NSUN6: variants seen among roughly 807,000 people sequenced by gnomAD.
The protein encoded by NSUN6 is tRNA (cytosine(72)-C(5))-methyltransferase NSUN6.
A neutral mutation model predicts 58.0 loss-of-function variants in NSUN6; 64 were observed. The ratio of observed to expected loss-of-function variants is 1.10; its 90% CI spans 0.90 to 1.36. NSUN6 has a LOEUF of 1.36. Among genes scored for constraint, NSUN6 ranks in the 40% most tolerant of loss-of-function variants. The probability of loss-of-function intolerance (pLI) is 0.00; values close to 1 mark genes in which losing one functional copy is unlikely to be tolerated. For missense variants in NSUN6, 701 were observed against 550.1 expected, an observed-to-expected ratio of 1.27 and a Z score of -2.74; for synonymous variants, 231 against 193.9, an observed-to-expected ratio of 1.19 and a Z score of -1.59.
intron 7 of NSUN6, among the ~76,000 whole-genome samples, chr10:18,591,349 T>C (rs958075188): frequency 1.3e-5 from 2 of 151,690 alleles, no homozygotes; most frequent in Admixed American, 6.6e-5. Flanking sequence ...TTCCAAACAA[T>C]AGAAAATGAT....
intron 3 of NSUN6, among the ~76,000 whole-genome samples, chr10:18,616,822 G>T (rs537645361): frequency 1.3e-4 from 20 of 152,100 alleles, no homozygotes; most frequent in African/African-American, 4.8e-4. Context: ...AACACTCAGG[G>T]TTCCAAAGAT....
At chr10:18,640,239 A>T (rs1356489663) in intron 3 of NSUN6, among the ~76,000 whole-genome samples, 2 of 152,216 alleles carry the variant, frequency 1.3e-5, no homozygotes, top group African/African-American at 4.8e-5. Flanking sequence ...GTATGCAGCT[A>T]TAAGCACAGA....
chr10:18,622,705 G>GT (rs2058655345), intron 3 of NSUN6, among the ~76,000 whole-genome samples: 1 of 152,132 alleles, frequency 6.6e-6, no homozygotes. Context: ...GCAAGACTCC[G>GT]CCTTGGGGGG....
chr10:18,596,088 A>C (rs2057574048), intron 7 of NSUN6, 120 bp downstream of exon 7: 2 of 751,810 alleles, frequency 2.7e-6, no homozygotes, highest in Admixed American at 4.7e-5. Flanking sequence ...ATAACTGAAT[A>C]GTTTTCATTT....
chr10:18,585,440 A>C (rs1036998194), intron 8 of NSUN6, among the ~76,000 whole-genome samples: 8 of 152,250 alleles, frequency 5.3e-5, no homozygotes, highest in African/African-American at 1.9e-4. Context: ...AAAATGTGGT[A>C]CATACACACG....
chr10:18,648,106 C>A (rs1182995772), intron 2 of NSUN6, among the ~76,000 whole-genome samples: 1 of 152,092 alleles, frequency 6.6e-6, no homozygotes, highest in African/African-American at 2.4e-5. Flanking sequence ...CCTCCTTACC[C>A]CTGGGCTTAT....
Position 18,651,199 on chromosome 10 carries a change from G to T in NSUN6, c.5C>A (p.Ser2Tyr), listed in dbSNP as rs776937584. 2 of 1,561,682 alleles carry T rather than the reference G, an allele frequency of 1.3e-6. No homozygotes were observed. Among genetic ancestry groups the T allele is most frequent in the African/African-American group, 1.4e-5 (1 of 71,236 alleles). The part of the protein sequence containing the change: M[S>Y]IFPKISLRPE... ...TCTCAAAGATATCTTAGGGAAAATAGACATTTTTCCTGTTGTTTAGTTCTC... is the reference window on the plus strand; with the variant it reads ...TCTCAAAGATATCTTAGGGAAAATATACATTTTTCCTGTTGTTTAGTTCTC... The change falls in exon 1 of 11, where the codon TCT (serine) becomes TAT (tyrosine). Residue 2 changes from serine (S) to tyrosine (Y), a missense_variant. Coordinates refer to ENST00000377304, the MANE Select transcript of NSUN6 (RefSeq NM_182543.5).
chr10:18,555,706 A>G (rs1295709538), intron 8 of NSUN6, among the ~76,000 whole-genome samples: 2 of 151,030 alleles, frequency 1.3e-5, no homozygotes, highest in African/African-American at 4.9e-5. Context: ...AGTGGAATGG[A>G]ATGGAGAATG....
chr10:18,588,845 C>T (rs1010188154), intron 7 of NSUN6, among the ~76,000 whole-genome samples: 1 of 152,150 alleles, frequency 6.6e-6, no homozygotes, highest in African/African-American at 2.4e-5. Context: ...ATTCCAAAAA[C>T]CAGAATGCCT....
At chr10:18,611,886 G>A (rs1287828823) in intron 5 of NSUN6, among the ~76,000 whole-genome samples, 2 of 152,102 alleles carry the variant, frequency 1.3e-5, no homozygotes, top group African/African-American at 4.8e-5. Flanking sequence ...AGTTCTAACA[G>A]CATTTAGCAT....
intron 1 of NSUN6, among the ~76,000 whole-genome samples, chr10:18,650,506 A>C (rs2059672163): frequency 1.3e-5 from 2 of 152,216 alleles, no homozygotes. Flanking sequence ...AGGTTAAGCC[A>C]CGTAATTTAC....
Position 18,609,854 on chromosome 10 carries a change from T to C in NSUN6, c.648A>G (p.Leu216=), listed in dbSNP as rs1482821364. 5 of 1,552,366 alleles carry C rather than the reference T, an allele frequency of 3.2e-6. No homozygotes were observed. Among genetic ancestry groups the C allele is most frequent in the Non-Finnish European group, 4.4e-6 (5 of 1,124,372 alleles). The change falls in exon 6 of 11, where the codon TTA becomes TTG. Residue 216 remains leucine (L), a synonymous_variant. Coordinates refer to ENST00000377304, the MANE Select transcript of NSUN6 (RefSeq NM_182543.5). ...TTTTATACATACTTACTTGTAAAAA[T>C]AAGTAACGGGGCAGTACACTGTCAA... is the stretch of plus-strand genomic sequence containing the variant. ...PSFDSVLPRY[L]FLQNLPSALV...
At chr10:18,551,197 G>C (rs1184014113) in intron 9 of NSUN6, among the ~76,000 whole-genome samples, 4 of 149,242 alleles carry the variant, frequency 2.7e-5, no homozygotes, top group Non-Finnish European at 4.4e-5. Context: ...TTAAAGGTGA[G>C]TCAACTTAAA....
In NSUN6 at chr10:18,551,985, T is replaced by A. The variant is rs745439832; in HGVS notation, c.923-14A>T. The stretch of plus-strand genomic sequence containing the variant: ...ATGGAGGTTCTCCTATAAAGAGAAT[T>A]ATAATCATGTTTACTATCTTCCATA... On this transcript the variant is annotated splice_polypyrimidine_tract_variant and intron_variant, in intron 8 of 10. Coordinates refer to ENST00000377304, the MANE Select transcript of NSUN6 (RefSeq NM_182543.5). The A allele has an allele frequency of 4.5e-6, 7 of 1,551,576 alleles. No individual in the cohort carries two copies. The highest frequency in any genetic ancestry group is 6.2e-6 in the Non-Finnish European group (7 of 1,128,880).
At chr10:18,581,444 G>C (rs2056899503) in intron 8 of NSUN6, among the ~76,000 whole-genome samples, 1 of 152,136 alleles carries the variant, frequency 6.6e-6, no homozygotes, top group Admixed American at 6.6e-5. Context: ...TGACATGGCA[G>C]CATCAGGAAA....
chr10:18,628,193 T>A (rs1267389802), intron 3 of NSUN6, among the ~76,000 whole-genome samples: 1 of 151,988 alleles, frequency 6.6e-6, no homozygotes. Flanking sequence ...CAGCTGAGGG[T>A]CCTGTCTGTT....
At chr10:18,599,035 C>A (rs890565417) in intron 6 of NSUN6, among the ~76,000 whole-genome samples, 1 of 152,008 alleles carries the variant, frequency 6.6e-6, no homozygotes, top group African/African-American at 2.4e-5. Context: ...ATTCAAATAG[C>A]AGGCTTATTT....
At chr10:18,598,983 G>A (rs2057701739) in intron 6 of NSUN6, among the ~76,000 whole-genome samples, 1 of 152,086 alleles carries the variant, frequency 6.6e-6, no homozygotes, top group African/African-American at 2.4e-5. Flanking sequence ...TGTAATAAGT[G>A]AAAAAATATA....
chr10:18,548,287 T>A, intron 9 of NSUN6, 50 bp from the exon 10 acceptor site: 1 of 1,518,444 alleles, frequency 6.6e-7, no homozygotes, highest in Non-Finnish European at 8.9e-7. Context: ...CAGATAAACA[T>A]ATGAATGAAT....
Sources: gnomAD v4.1 joint callset for allele counts (sites outside exome capture counted in the v4.1 genomes callset) on GRCh38, gnomAD v4.1.1 for gene constraint, MANE v1.5 for transcripts, NCBI Gene and HGNC (gene_info 2026-07-23, HGNC 2026-07-21) for gene names.